The following LRRC7 variants were observed in gnomAD, a reference collection of about 807,000 sequenced individuals.
LRRC7 encodes the protein leucine-rich repeat-containing protein 7.
In LRRC7, 23 loss-of-function variants were observed where a neutral mutation model predicts 175.7. That is an observed-to-expected ratio of 0.13 (90% CI 0.09 to 0.19). LRRC7 has a LOEUF of 0.19. Among genes scored for constraint, LRRC7 ranks in the 10% least tolerant of loss-of-function variants. The probability of loss-of-function intolerance (pLI) is 1.00; values close to 1 mark genes in which losing one functional copy is unlikely to be tolerated. For synonymous variants in LRRC7, 685 were observed against 680.9 expected, an observed-to-expected ratio of 1.01 and a Z score of -0.09; for missense variants, 1,354 against 1,904.7, an observed-to-expected ratio of 0.71 and a Z score of 5.38.
At chr1:69,578,944 T>A (rs1009059206) in intron 1 of LRRC7, among the ~76,000 whole-genome samples, 1 of 125,578 alleles carries the variant, frequency 8.0e-6, no homozygotes, top group Non-Finnish European at 1.7e-5. Context: ...ATAATAATAA[T>A]AAAATAAAAT....
At chr1:70,077,733 A>C (rs1162289469) in intron 24 of LRRC7, among the ~76,000 whole-genome samples, 6 of 152,204 alleles carry the variant, frequency 3.9e-5, no homozygotes. Context: ...AAATTATATA[A>C]AGTTTGGCTA....
chr1:70,044,233 G>A (rs1660155038), intron 22 of LRRC7, 139 bp downstream of exon 22: 1 of 735,482 alleles, frequency 1.4e-6, no homozygotes, highest in South Asian at 2.6e-5. Context: ...GGCAAGTAAT[G>A]TAGAGCCTGA....
intron 1 of LRRC7, among the ~76,000 whole-genome samples, chr1:69,617,547 T>TAAAA (rs11473590): frequency 0.12 from 7,722 of 61,938 alleles, 1,040 homozygotes; most frequent in East Asian, 0.3. Flanking sequence ...ATACTCACAG[T>TAAAA]AAAAAAAAAA....
At chr1:69,753,832 C>T (rs1036967742) in intron 2 of LRRC7, among the ~76,000 whole-genome samples, 3 of 152,010 alleles carry the variant, frequency 2.0e-5, no homozygotes, top group African/African-American at 7.2e-5. Flanking sequence ...AAGTGAATTA[C>T]AGCATATGGT....
intron 10 of LRRC7, among the ~76,000 whole-genome samples, chr1:69,987,845 A>G (rs1157880142): frequency 3.3e-5 from 5 of 152,210 alleles, no homozygotes; most frequent in African/African-American, 7.2e-5. Flanking sequence ...CCCATATTTT[A>G]TAATGATATT....
intron 11 of LRRC7, among the ~76,000 whole-genome samples, chr1:70,003,846 T>TAA (rs148135670): frequency 1.3e-5 from 2 of 148,318 alleles, no homozygotes; most frequent in South Asian, 2.1e-4. Flanking sequence ...ATAGTATCTT[T>TAA]AAAAAAAAAA....
chr1:69,569,906 C>CAAAAAAAA (rs71071364), intron 1 of LRRC7, among the ~76,000 whole-genome samples: 6 of 87,102 alleles, frequency 6.9e-5, no homozygotes, highest in African/African-American at 2.8e-4. Flanking sequence ...AAAGGAATTA[C>CAAAAAAAA]AAAAAAAAAA....
chr1:69,808,851 A>G (rs1344653812), intron 4 of LRRC7, among the ~76,000 whole-genome samples: 1 of 152,144 alleles, frequency 6.6e-6, no homozygotes, highest in Non-Finnish European at 1.5e-5. Context: ...CAATTAAGAG[A>G]ACTGGAGAAG....
At chr1:69,969,871 A>G (rs938559635) in intron 8 of LRRC7, among the ~76,000 whole-genome samples, 7 of 152,190 alleles carry the variant, frequency 4.6e-5, no homozygotes, top group African/African-American at 1.7e-4. Context: ...GATAGACCAC[A>G]TGATAGGCCA....
intron 8 of LRRC7, among the ~76,000 whole-genome samples, chr1:69,937,396 GT>G (rs1648155774): frequency 6.6e-6 from 1 of 152,088 alleles, no homozygotes; most frequent in East Asian, 1.9e-4. Context: ...TCTATGGGCT[GT>G]TTTGTCTGCA....
chr1:69,939,245 A>G (rs1648443639), intron 8 of LRRC7, among the ~76,000 whole-genome samples: 2 of 151,764 alleles, frequency 1.3e-5, no homozygotes, highest in African/African-American at 4.8e-5. Context: ...CTGAAGGAGC[A>G]AAGGGGGGAC....
In LRRC7 at chr1:70,130,583, AT is replaced by A. The variant is rs1477002036; in HGVS notation, c.*8700del. On this transcript the variant is annotated 3_prime_UTR_variant, in exon 27 of 27. Coordinates refer to ENST00000651989, the MANE Select transcript of LRRC7 (RefSeq NM_001370785.2). ...TGCTGTGTTTCAGCAGTTACATTTA[AT>A]TTTCCTTTTGTGTGTTCTAAGGACC... is the stretch of plus-strand genomic sequence containing the variant. Among the ~76,000 whole-genome samples the A allele has an allele frequency of 1.3e-5, 2 of 152,108 alleles. No individual in the cohort carries two copies. Among genetic ancestry groups the A allele is most frequent in the African/African-American group, 4.8e-5 (2 of 41,420 alleles).
chr1:70,069,492 A>G (rs1334851027), intron 23 of LRRC7, among the ~76,000 whole-genome samples: 1 of 152,194 alleles, frequency 6.6e-6, no homozygotes, highest in African/African-American at 2.4e-5. Flanking sequence ...GGGTGGGGAC[A>G]CAGCCAAACT....
At chr1:69,809,154 A>C (rs958146178) in intron 4 of LRRC7, among the ~76,000 whole-genome samples, 2 of 152,208 alleles carry the variant, frequency 1.3e-5, no homozygotes, top group African/African-American at 2.4e-5. Context: ...ACCTCTATGC[A>C]AATAAACTAG....
At chr1:69,786,105 T>G (rs1476259251) in intron 3 of LRRC7, among the ~76,000 whole-genome samples, 1 of 152,178 alleles carries the variant, frequency 6.6e-6, no homozygotes, top group African/African-American at 2.4e-5. Flanking sequence ...AATGATGTTA[T>G]GTTTCTTGCA....
chr1:69,712,172 G>A (rs1431060912), intron 2 of LRRC7, among the ~76,000 whole-genome samples: 1 of 152,032 alleles, frequency 6.6e-6, no homozygotes, highest in African/African-American at 2.4e-5. Flanking sequence ...TTAACCTGGA[G>A]GCTCAGTCAC....
chr1:70,084,465 A>G (rs1396343369), intron 24 of LRRC7, among the ~76,000 whole-genome samples: 1 of 152,196 alleles, frequency 6.6e-6, no homozygotes, highest in African/African-American at 2.4e-5. Context: ...AACTGAATGT[A>G]GCATGTATCA....
At chr1:69,766,936 C>T (rs955674407) in intron 3 of LRRC7, among the ~76,000 whole-genome samples, 1 of 152,052 alleles carries the variant, frequency 6.6e-6, no homozygotes, top group Non-Finnish European at 1.5e-5. Context: ...TTTACAAATT[C>T]AGTTGTTATT....
At chr1:69,993,044 A>G (rs559976153) in intron 10 of LRRC7, among the ~76,000 whole-genome samples, 1 of 152,322 alleles carries the variant, frequency 6.6e-6, no homozygotes, top group East Asian at 1.9e-4. Context: ...AAACTTAGCT[A>G]TAAGTCATAC....
Sources: gnomAD v4.1 joint callset for allele counts (sites outside exome capture counted in the v4.1 genomes callset) on GRCh38, gnomAD v4.1.1 for gene constraint, MANE v1.5 for transcripts, NCBI Gene and HGNC (gene_info 2026-07-23, HGNC 2026-07-21) for gene names.